TLK1: variants seen among roughly 807,000 people sequenced by gnomAD.
The protein encoded by TLK1 is tousled like kinase 1.
A neutral mutation model predicts 105.3 loss-of-function variants in TLK1; 24 were observed. The ratio of observed to expected loss-of-function variants is 0.23; its 90% CI spans 0.17 to 0.32. The LOEUF is 0.32. Ranked by LOEUF, TLK1 falls within the 10% of genes least tolerant of loss-of-function variation. The pLI is 1.00. For synonymous variants in TLK1, 321 were observed against 310.4 expected (o/e 1.03, Z -0.36); for missense variants, 558 against 910.5 (o/e 0.61, Z 4.98).
intron 12 of TLK1, chr2:171,023,028 C>A (rs779153240): frequency 7.2e-5 from 34 of 470,488 alleles, no homozygotes; most frequent in Admixed American, 5.4e-4. Context: ...AAGATTAATA[C>A]TGATGCTGCT....
chr2:171,017,522 G>A (rs1685265251), intron 12 of TLK1, among the ~76,000 whole-genome samples: 1 of 152,280 alleles, frequency 6.6e-6, no homozygotes, highest in East Asian at 1.9e-4. Context: ...AAATAAGTAA[G>A]ATTCAAATAG....
intron 1 of TLK1, among the ~76,000 whole-genome samples, chr2:171,191,639 G>A (rs1693157114): frequency 6.6e-6 from 1 of 152,124 alleles, no homozygotes; most frequent in African/African-American, 2.4e-5. Context: ...GAGGGCCTTG[G>A]GAGGAAGCAA....
At chr2:171,186,952 G>A (rs1434997411) in intron 1 of TLK1, among the ~76,000 whole-genome samples, 1 of 150,846 alleles carries the variant, frequency 6.6e-6, no homozygotes, top group African/African-American at 2.4e-5. Context: ...CAGCTACTCG[G>A]GAGGCTGAGG....
intron 1 of TLK1, among the ~76,000 whole-genome samples, chr2:171,128,218 AC>A (rs902351959): frequency 9.2e-5 from 14 of 152,246 alleles, no homozygotes; most frequent in African/African-American, 3.1e-4. Flanking sequence ...GCTTCTCTCT[AC>A]TGCCATGACC....
chr2:171,082,040 C>T (rs1688778110), intron 3 of TLK1, among the ~76,000 whole-genome samples: 1 of 151,788 alleles, frequency 6.6e-6, no homozygotes, highest in Non-Finnish European at 1.5e-5. Flanking sequence ...TACACACACA[C>T]ACACACACAC....
At chr2:171,023,001 T>G in intron 12 of TLK1, 1 of 466,884 alleles carries the variant, frequency 2.1e-6, no homozygotes, top group South Asian at 1.6e-5. Context: ...TCTTGACCTG[T>G]AAAGATTTCA....
rs766680379 is a variant in TLK1 at position 171,049,973 on chromosome 2, T to C, written c.844-23A>G. 6 of 1,613,162 alleles carry C rather than the reference T, an allele frequency of 3.7e-6. No homozygotes were observed. In the Admixed American group the frequency reaches 6.7e-5, roughly 18 times the overall value. On this transcript the variant is annotated intron_variant, in intron 9 of 20. Coordinates refer to ENST00000431350, the MANE Select transcript of TLK1 (RefSeq NM_012290.5). ...ACTCTGAAAAGGAGAAAAAAAATCA[T>C]CACTCAATTGTATTCATTAATTTAT...
chr2:171,056,531 G>A lies in TLK1; in HGVS notation c.489C>T (p.Gly163=). The A allele has an allele frequency of 1.2e-6, 2 of 1,612,246 alleles. No individual in the cohort carries two copies. Among genetic ancestry groups the A allele is most frequent in the Non-Finnish European group, 8.5e-7 (1 of 1,178,926 alleles). The change falls in exon 6 of 21, where the codon GGC becomes GGT. Residue 163 remains glycine (G), a synonymous_variant. Coordinates refer to ENST00000431350, the MANE Select transcript of TLK1 (RefSeq NM_012290.5). ...GAGGAGAACGGATTGCAGGAGGTAT[G>A]CCTCTTACTGGACTTGAGCCATTTC... is the stretch of plus-strand genomic sequence containing the variant. ...QGGNGSSPVR[G]IPPAIRSPQN...
chr2:171,047,700 A>T (rs556485983), intron 10 of TLK1, among the ~76,000 whole-genome samples: 2 of 152,364 alleles, frequency 1.3e-5, no homozygotes, highest in East Asian at 3.9e-4. Context: ...AATGCAAATA[A>T]GCAATAATAA....
At chr2:171,192,604 T>G (rs1693177092) in intron 1 of TLK1, among the ~76,000 whole-genome samples, 1 of 152,030 alleles carries the variant, frequency 6.6e-6, no homozygotes, top group Non-Finnish European at 1.5e-5. Context: ...GGCTTGAACC[T>G]GGAAGGCGGA....
intron 1 of TLK1, among the ~76,000 whole-genome samples, chr2:171,158,936 C>T (rs928042758): frequency 6.6e-5 from 10 of 152,192 alleles, no homozygotes; most frequent in Non-Finnish European, 1.5e-4. Flanking sequence ...TAAATCAAAG[C>T]TTTCCGTGAA....
intron 12 of TLK1, among the ~76,000 whole-genome samples, chr2:171,020,056 C>T (rs1205743853): frequency 2.9e-5 from 3 of 103,650 alleles, no homozygotes; most frequent in East Asian, 6.5e-4. Context: ...AGTAAGACTC[C>T]GTCTCAGAAA....
chr2:171,004,301 G>A (rs1684542580), intron 18 of TLK1, among the ~76,000 whole-genome samples: 1 of 151,846 alleles, frequency 6.6e-6, no homozygotes, highest in Non-Finnish European at 1.5e-5. Context: ...GTTCGTCAGT[G>A]AGATTTTTCA....
chr2:171,224,322 T>G (rs1693861156), intron 1 of TLK1, among the ~76,000 whole-genome samples: 1 of 152,222 alleles, frequency 6.6e-6, no homozygotes, highest in South Asian at 2.1e-4. Context: ...ATGTCAGCCC[T>G]GTGCTGTTTG....
At chr2:171,038,146 T>C (rs1215652595) in intron 11 of TLK1, among the ~76,000 whole-genome samples, 1 of 152,228 alleles carries the variant, frequency 6.6e-6, no homozygotes, top group East Asian at 1.9e-4. Context: ...ATTTATAATG[T>C]GTTGTTTCCT....
At chr2:171,079,442 T>C (rs1688652743) in intron 3 of TLK1, among the ~76,000 whole-genome samples, 1 of 152,248 alleles carries the variant, frequency 6.6e-6, no homozygotes, top group Non-Finnish European at 1.5e-5. Context: ...CTGATTTCAT[T>C]TGAAGGCAGG....
intron 3 of TLK1, among the ~76,000 whole-genome samples, chr2:171,078,393 C>T (rs1363625157): frequency 1.3e-5 from 2 of 152,040 alleles, no homozygotes; most frequent in Non-Finnish European, 2.9e-5. Context: ...CAAAAATTAG[C>T]CGGGCATGGT....
At chr2:171,014,366 A>G (rs569987356) in intron 13 of TLK1, among the ~76,000 whole-genome samples, 58 of 151,864 alleles carry the variant, frequency 3.8e-4, no homozygotes, top group African/African-American at 1.4e-3. Flanking sequence ...AGAAGCAGAG[A>G]CTTTTTTTTT....
At chr2:171,113,738 A>G (rs1374227570) in intron 2 of TLK1, among the ~76,000 whole-genome samples, 1 of 152,198 alleles carries the variant, frequency 6.6e-6, no homozygotes, top group African/African-American at 2.4e-5. Flanking sequence ...ATCACTACCA[A>G]TATTATATAA....
Sources: gnomAD v4.1 joint callset for allele counts (sites outside exome capture counted in the v4.1 genomes callset) on GRCh38, gnomAD v4.1.1 for gene constraint, MANE v1.5 for transcripts, NCBI Gene and HGNC (gene_info 2026-07-23, HGNC 2026-07-21) for gene names.